The following ITPK1 variants were observed in gnomAD, a reference collection of about 807,000 sequenced individuals.
ITPK1 encodes inositol-tetrakisphosphate 1-kinase, also known as inositol 1,3,4-trisphosphate 5/6-kinase.
In ITPK1, 21 loss-of-function variants were observed where a neutral mutation model predicts 45.3. That is an observed-to-expected ratio of 0.46 (90% confidence interval 0.33 to 0.67). The LOEUF (loss-of-function observed/expected upper bound fraction) is 0.67. ITPK1 is among the 30% of genes least tolerant of loss of function. ITPK1 has a pLI of 0.02. For missense variants in ITPK1, 474 were observed against 573.5 expected, an observed-to-expected ratio of 0.83 and a Z score of 1.77; for synonymous variants, 258 against 253.6, an observed-to-expected ratio of 1.02 and a Z score of -0.16.
chr14:92,965,753 C>T (rs1434022536), intron 5 of ITPK1, among the ~76,000 whole-genome samples: 1 of 152,152 alleles, frequency 6.6e-6, no homozygotes, highest in South Asian at 2.1e-4. Flanking sequence ...CCTGTAATCC[C>T]AGCACTTTGG....
intron 4 of ITPK1, among the ~76,000 whole-genome samples, chr14:93,011,252 G>A (rs762223438): frequency 3.9e-5 from 6 of 152,178 alleles, no homozygotes; most frequent in Admixed American, 6.5e-5. Context: ...TTAACCCTCC[G>A]TGACCACGTG....
intron 10 of ITPK1, among the ~76,000 whole-genome samples, chr14:92,945,052 T>C (rs898077970): frequency 6.6e-6 from 1 of 152,184 alleles, no homozygotes; most frequent in Non-Finnish European, 1.5e-5. Context: ...GCCCCTGTGC[T>C]CCAGTGTCAC....
chr14:92,974,748 A>G (rs930843521), intron 5 of ITPK1, among the ~76,000 whole-genome samples: 3 of 152,354 alleles, frequency 2.0e-5, no homozygotes, highest in Admixed American at 6.5e-5. Context: ...GAAGGCACTC[A>G]AGGCCAATGG....
At chr14:92,997,021 A>G (rs961866173) in intron 4 of ITPK1, among the ~76,000 whole-genome samples, 5 of 152,196 alleles carry the variant, frequency 3.3e-5, no homozygotes, top group African/African-American at 1.2e-4. Context: ...GTAAAGGTAA[A>G]CTTGAAGGCT....
At position 93,016,647 on chromosome 14, in the gene ITPK1, C is replaced by A; in HGVS notation, c.246+29G>T. 2 of 1,606,810 alleles carry A rather than the reference C, an allele frequency of 1.2e-6. No individual in the cohort carries two copies. The highest frequency in any genetic ancestry group is 8.5e-7 in the Non-Finnish European group (1 of 1,174,506). On this transcript the variant is annotated intron_variant, in intron 4 of 10. Coordinates refer to ENST00000267615, the MANE Select transcript of ITPK1 (RefSeq NM_014216.6). The surrounding 1 kb of genome is among the most constrained non-coding windows in gnomAD (Gnocchi z 5.0). Reference sequence around the variant, plus strand: ...TCCCCTCCTCCTCCTGAAAATGCCACAGCCAAGGGCTGCATGGTCCTCACT... The same window carrying A: ...TCCCCTCCTCCTCCTGAAAATGCCAAAGCCAAGGGCTGCATGGTCCTCACT...
rs964009392 is a variant in ITPK1 at position 92,938,785 on chromosome 14, T to C, written c.*2776A>G. The C allele has an allele frequency of 2.4e-5, 14 of 588,690 alleles. No homozygotes were observed. The highest frequency in any genetic ancestry group is 3.0e-6 in the Non-Finnish European group (1 of 331,248). 36.5% of individuals were successfully genotyped at this position (588,690 alleles called of 1,614,324 possible). On this transcript the variant is annotated 3_prime_UTR_variant, in exon 11 of 11. Transcript: ENST00000267615. ...TCTTGGGGTGGGGACACCCAGCAGCTGGCACTCAGTTGGGGGGTTATGTTT... is the reference window on the plus strand; with the variant it reads ...TCTTGGGGTGGGGACACCCAGCAGCCGGCACTCAGTTGGGGGGTTATGTTT...
At chr14:93,069,639 C>G (rs1004733390) in intron 3 of ITPK1, 2 of 152,774 alleles carry the variant, frequency 1.3e-5, no homozygotes, top group Non-Finnish European at 2.9e-5. Context: ...GGCATCCCCA[C>G]GGTTTCCCTG....
At chr14:92,998,177 C>T (rs1212549029) in intron 4 of ITPK1, among the ~76,000 whole-genome samples, 2 of 152,212 alleles carry the variant, frequency 1.3e-5, no homozygotes. Flanking sequence ...CTGCTGTGGG[C>T]ATCATGGAGA....
At position 92,939,640 on chromosome 14, in the gene ITPK1, TGGCAGTTACTCGGTATCTG is replaced by T; in HGVS notation, c.*1902_*1920del. The T allele has an allele frequency of 1.6e-5, 8 of 508,038 alleles. No homozygotes were observed. The highest frequency in any genetic ancestry group is 2.0e-5 in the Non-Finnish European group (8 of 400,398). 31.5% of individuals were successfully genotyped at this position (508,038 alleles called of 1,614,324 possible). A position where few individuals can be genotyped will look rare whatever the true frequency, so the allele number is the denominator to read the frequency against. On this transcript the variant is annotated 3_prime_UTR_variant, in exon 11 of 11. Coordinates refer to ENST00000267615, the MANE Select transcript of ITPK1 (RefSeq NM_014216.6). ...CTATGGACGCCACCACGACACCACATGGCAGTTACTCGGTATCTGGGCCCTGGACGCGCAAGACCCCGGA... is the reference window on the plus strand; with the variant it reads ...CTATGGACGCCACCACGACACCACATGGCCCTGGACGCGCAAGACCCCGGA...
At chr14:92,980,062 T>A (rs1886147432) in intron 5 of ITPK1, among the ~76,000 whole-genome samples, 1 of 152,152 alleles carries the variant, frequency 6.6e-6, no homozygotes, top group African/African-American at 2.4e-5. Flanking sequence ...TTTACAGGTG[T>A]GAGCCACCAT....
chr14:92,983,862 C>G (rs1886355746), intron 5 of ITPK1, among the ~76,000 whole-genome samples: 1 of 151,956 alleles, frequency 6.6e-6, no homozygotes, highest in East Asian at 1.9e-4. Context: ...ACCTTATGGG[C>G]CCAACATAAA....
intron 9 of ITPK1, among the ~76,000 whole-genome samples, chr14:92,951,142 G>A (rs567518080): frequency 6.6e-6 from 1 of 152,378 alleles, no homozygotes; most frequent in East Asian, 1.9e-4. Context: ...CAGCACACAT[G>A]CATCCTCAGA....
chr14:92,991,953 A>G (rs1207365734), intron 5 of ITPK1, among the ~76,000 whole-genome samples: 1 of 152,040 alleles, frequency 6.6e-6, no homozygotes, highest in African/African-American at 2.4e-5. Context: ...CTGACCCCTG[A>G]CCCCGTGGCT....
intron 7 of ITPK1, among the ~76,000 whole-genome samples, chr14:92,959,631 G>A (rs1450739894): frequency 6.6e-6 from 1 of 152,028 alleles, no homozygotes; most frequent in Non-Finnish European, 1.5e-5. Flanking sequence ...CCCCCACCCT[G>A]CTTAAGCGCC....
intron 2 of ITPK1, among the ~76,000 whole-genome samples, chr14:93,103,433 G>C: frequency 6.6e-6 from 1 of 151,550 alleles, no homozygotes; most frequent in African/African-American, 2.4e-5. Flanking sequence ...AAAAAAATAA[G>C]AAGAAGAAGA....
In ITPK1 at chr14:92,941,819, G is replaced by A. The variant is rs1303634817; in HGVS notation, c.987C>T (p.Ala329=). 2 of 1,611,708 alleles carry A rather than the reference G, an allele frequency of 1.2e-6. No homozygotes were observed. The highest frequency in any genetic ancestry group is 1.7e-6 in the Non-Finnish European group (2 of 1,179,742). ...VLQGQSTAMA[A]TGDVALLRHS... ...GCCTCAGCAGGGCCACGTCCCCTGT[G>A]GCTGCCATGGCTGTGCTCTGGCCCT... Residue 329 remains alanine (A), a synonymous_variant, in exon 11 of 11, where the codon GCC becomes GCT. Coordinates refer to ENST00000267615, the MANE Select transcript of ITPK1 (RefSeq NM_014216.6).
intron 3 of ITPK1, among the ~76,000 whole-genome samples, chr14:93,039,455 C>G (rs1182708948): frequency 6.6e-6 from 1 of 152,138 alleles, no homozygotes; most frequent in African/African-American, 2.4e-5. Flanking sequence ...TCAGCCTGGG[C>G]AACACAGCAA....
At chr14:93,082,652 C>T (rs1433416903) in intron 2 of ITPK1, among the ~76,000 whole-genome samples, 6 of 152,174 alleles carry the variant, frequency 3.9e-5, no homozygotes, top group Admixed American at 6.5e-5. Flanking sequence ...TGACTGGGGG[C>T]GGCACGCCCA....
At chr14:93,029,815 C>A (rs1021633287) in intron 3 of ITPK1, among the ~76,000 whole-genome samples, 1 of 152,206 alleles carries the variant, frequency 6.6e-6, no homozygotes, top group African/African-American at 2.4e-5. Context: ...GACACTGACC[C>A]TCCCAGGCCC....
Sources: allele counts gnomAD v4.1 joint callset (sites outside exome capture counted in the v4.1 genomes callset), GRCh38; gene constraint gnomAD v4.1.1; non-coding constraint Gnocchi (gnomAD v3.1); transcripts MANE v1.5; gene names NCBI Gene and HGNC (gene_info 2026-07-23, HGNC 2026-07-21).